Variants in ZBTB7C observed in about 807,000 individuals in gnomAD.
The protein encoded by ZBTB7C is zinc finger and BTB domain containing 7C.
A neutral mutation model predicts 25.7 loss-of-function variants in ZBTB7C; 8 were observed. That is an observed-to-expected ratio of 0.31 (90% CI 0.18 to 0.56). ZBTB7C has a LOEUF of 0.56. Ranked by LOEUF, ZBTB7C falls within the 20% of genes least tolerant of loss-of-function variation. ZBTB7C has a pLI of 0.91. For synonymous variants in ZBTB7C, 394 were observed against 369.0 expected, an observed-to-expected ratio of 1.07 and a Z score of -0.78; for missense variants, 824 against 855.2, an observed-to-expected ratio of 0.96 and a Z score of 0.46.
At chr18:48,309,600 C>A (rs1340555577) in intron 2 of ZBTB7C, among the ~76,000 whole-genome samples, 3 of 152,130 alleles carry the variant, frequency 2.0e-5, no homozygotes, top group Non-Finnish European at 2.9e-5. Context: ...GGAAACGGTA[C>A]CAAATTGTCA....
chr18:48,169,787 G>A (rs4441342), intron 3 of ZBTB7C: 131,953 of 152,254 alleles, frequency 0.87, 57,501 homozygotes, highest in African/African-American at 0.95. Flanking sequence ...TTTTCTTAAA[G>A]ATATGGACTG....
At chr18:48,190,868 A>C (rs1262685046) in intron 2 of ZBTB7C, among the ~76,000 whole-genome samples, 1 of 152,082 alleles carries the variant, frequency 6.6e-6, no homozygotes, top group Non-Finnish European at 1.5e-5. Flanking sequence ...AATTCATGAC[A>C]TCTTCCCCCC....
At chr18:48,082,225 A>T (rs1057385665) in intron 3 of ZBTB7C, among the ~76,000 whole-genome samples, 5 of 152,254 alleles carry the variant, frequency 3.3e-5, no homozygotes, top group African/African-American at 9.6e-5. Context: ...AGAAGATTCC[A>T]ACACGCTGAG....
At chr18:48,378,342 A>G (rs1336612468) in intron 1 of ZBTB7C, among the ~76,000 whole-genome samples, 1 of 152,174 alleles carries the variant, frequency 6.6e-6, no homozygotes, top group Non-Finnish European at 1.5e-5. Context: ...AAGAACATTC[A>G]CTTACATTCC....
intron 3 of ZBTB7C, among the ~76,000 whole-genome samples, chr18:48,151,767 G>C (rs1424261893): frequency 6.6e-6 from 1 of 152,142 alleles, no homozygotes; most frequent in Non-Finnish European, 1.5e-5. Flanking sequence ...CCTGAACTAG[G>C]AGCTCACGTT....
intron 3 of ZBTB7C, among the ~76,000 whole-genome samples, chr18:48,125,045 G>A (rs2039755716): frequency 6.6e-6 from 1 of 152,248 alleles, no homozygotes; most frequent in South Asian, 2.1e-4. Flanking sequence ...GGGAGGGGCA[G>A]AGGTTTGCTG....
chr18:48,125,280 T>C (rs892703379), intron 3 of ZBTB7C, among the ~76,000 whole-genome samples: 3 of 152,142 alleles, frequency 2.0e-5, no homozygotes, highest in African/African-American at 7.2e-5. Context: ...TGGATTCTTA[T>C]CCAGTAAGGG....
At chr18:48,055,366 C>T (rs531196342) in intron 3 of ZBTB7C, among the ~76,000 whole-genome samples, 10 of 143,554 alleles carry the variant, frequency 7.0e-5, no homozygotes, top group South Asian at 6.7e-4. Flanking sequence ...GCTGAGATTG[C>T]GCCACTGCAC....
chr18:48,355,299 T>C (rs1395287414), intron 1 of ZBTB7C, among the ~76,000 whole-genome samples: 1 of 152,148 alleles, frequency 6.6e-6, no homozygotes, highest in Non-Finnish European at 1.5e-5. Context: ...ATCTCTGAGA[T>C]ACAACAATGT....
intron 2 of ZBTB7C, among the ~76,000 whole-genome samples, chr18:48,276,457 C>G (rs1416283000): frequency 5.7e-5 from 6 of 105,076 alleles, no homozygotes; most frequent in South Asian, 4.6e-4. Context: ...CCCCTCCCCC[C>G]ACCCCACAAC....
intron 3 of ZBTB7C, among the ~76,000 whole-genome samples, chr18:48,102,177 CTGTCA>C (rs1182584592): frequency 6.6e-6 from 1 of 152,210 alleles, no homozygotes; most frequent in Non-Finnish European, 1.5e-5. Context: ...ATCACAGTTA[CTGTCA>C]TGTCATCATC....
intron 3 of ZBTB7C, among the ~76,000 whole-genome samples, chr18:48,089,026 A>G (rs932603662): frequency 6.6e-6 from 1 of 152,124 alleles, no homozygotes; most frequent in African/African-American, 2.4e-5. Flanking sequence ...GGCAGTGTGC[A>G]TGCACCCTCC....
intron 2 of ZBTB7C, among the ~76,000 whole-genome samples, chr18:48,319,595 C>T (rs2144845370): frequency 6.6e-6 from 1 of 152,248 alleles, no homozygotes; most frequent in African/African-American, 2.4e-5. Flanking sequence ...GCAGTGATTA[C>T]ATACAGCATA....
At chr18:48,277,429 A>G (rs1391897069) in intron 2 of ZBTB7C, among the ~76,000 whole-genome samples, 2 of 152,140 alleles carry the variant, frequency 1.3e-5, no homozygotes, top group Non-Finnish European at 2.9e-5. Flanking sequence ...GAGAAATGCA[A>G]ATCAAAACCA....
At chr18:48,298,103 AC>A (rs1467297048) in intron 2 of ZBTB7C, among the ~76,000 whole-genome samples, 1 of 151,838 alleles carries the variant, frequency 6.6e-6, no homozygotes, top group Admixed American at 6.6e-5. Context: ...GCATGGTGAA[AC>A]CCCATCGCTA....
At chr18:48,122,661 G>T (rs1273853495) in intron 3 of ZBTB7C, among the ~76,000 whole-genome samples, 1 of 152,168 alleles carries the variant, frequency 6.6e-6, no homozygotes, top group Non-Finnish European at 1.5e-5. Flanking sequence ...GAAATGGGCA[G>T]CAAAATGCAA....
chr18:48,077,127 G>C (rs1008402420), intron 3 of ZBTB7C: 1 of 441,756 alleles, frequency 2.3e-6, no homozygotes, highest in Non-Finnish European at 3.0e-6. Context: ...GGCAATACAG[G>C]CTCTCTTTAA....
chr18:48,403,652 TG>T (rs941020992), intron 1 of ZBTB7C, among the ~76,000 whole-genome samples: 3 of 152,058 alleles, frequency 2.0e-5, no homozygotes, highest in African/African-American at 7.3e-5. Flanking sequence ...TACACTCTAG[TG>T]GGGAAAGACA....
chr18:48,223,719 C>T (rs1191976193), intron 2 of ZBTB7C, among the ~76,000 whole-genome samples: 7 of 152,282 alleles, frequency 4.6e-5, no homozygotes, highest in East Asian at 3.9e-4. Flanking sequence ...AGTCACTTAA[C>T]GTCCTTTAAC....
Sources: allele counts gnomAD v4.1 joint callset (sites outside exome capture counted in the v4.1 genomes callset), GRCh38; gene constraint gnomAD v4.1.1; transcripts MANE v1.5; gene names NCBI Gene and HGNC (gene_info 2026-07-23, HGNC 2026-07-21).